The following NRXN3 variants were observed in gnomAD, a reference collection of about 807,000 sequenced individuals.
NRXN3 encodes the protein neurexin III.
A neutral mutation model predicts 137.6 loss-of-function variants in NRXN3; 32 were observed. The observed-to-expected ratio is 0.23, with a 90% CI of 0.18 to 0.31. The LOEUF is 0.31. Ranked by LOEUF, NRXN3 falls within the 10% of genes least tolerant of loss-of-function variation. The pLI, the probability that NRXN3 is intolerant of heterozygous loss-of-function variation, is 1.00. For synonymous variants in NRXN3, 798 were observed against 784.5 expected (o/e 1.02, Z -0.29); for missense variants, 1,574 against 2,062.5 (o/e 0.76, Z 4.59).
chr14:79,685,834 G>T (rs1042597934), intron 17 of NRXN3, among the ~76,000 whole-genome samples: 3 of 152,130 alleles, frequency 2.0e-5, no homozygotes, highest in Non-Finnish European at 4.4e-5. Flanking sequence ...ATTTGTTTAG[G>T]ATATGAAAGA....
At chr14:78,897,369 T>A (rs888039683) in intron 10 of NRXN3, among the ~76,000 whole-genome samples, 5 of 151,904 alleles carry the variant, frequency 3.3e-5, no homozygotes, top group Non-Finnish European at 5.9e-5. Flanking sequence ...TTTCTTTTTT[T>A]TTGACAAGAC....
intron 16 of NRXN3, among the ~76,000 whole-genome samples, chr14:79,564,284 C>T (rs1407694894): frequency 1.3e-5 from 2 of 151,924 alleles, no homozygotes; most frequent in Non-Finnish European, 2.9e-5. Flanking sequence ...TAAAAGAGGG[C>T]ATTGAGAGAA....
At position 79,018,153 on chromosome 14, in the gene NRXN3, G is replaced by A. The variant is rs563344561; in HGVS notation, c.3262+30012G>A. ...TAGGCACCTGAAATCCCAGCTACTC[G>A]GGAGGCTGAGGCAGAACAGTTGCTT... On this transcript the variant is annotated intron_variant, in intron 15 of 20. Coordinates refer to ENST00000335750, the MANE Select transcript of NRXN3 (RefSeq NM_001330195.2). Among the ~76,000 whole-genome samples the A allele has an allele frequency of 6.2e-4, 94 of 150,448 alleles. 1 individual carries two copies. Among genetic ancestry groups the A allele is most frequent in the African/African-American group, 2.2e-3 (90 of 41,024 alleles).
At chr14:78,339,188 T>C (rs896155969) in intron 4 of NRXN3, among the ~76,000 whole-genome samples, 7 of 152,214 alleles carry the variant, frequency 4.6e-5, no homozygotes, top group Non-Finnish European at 8.8e-5. Context: ...TATTATTTGT[T>C]GAATCTTTAC....
intron 6 of NRXN3, chr14:78,703,590 G>A (rs1484102882): frequency 1.3e-5 from 2 of 152,178 alleles, no homozygotes; most frequent in Non-Finnish European, 2.9e-5. Context: ...TGCTTGTTGT[G>A]AGTAAATGAC....
chr14:79,525,989 C>T (rs989379836), intron 16 of NRXN3, among the ~76,000 whole-genome samples: 2 of 152,172 alleles, frequency 1.3e-5, no homozygotes, highest in African/African-American at 4.8e-5. Flanking sequence ...TCAAGGGATC[C>T]TCTCAACTCC....
At chr14:78,835,241 C>T (rs1399883127) in intron 10 of NRXN3, among the ~76,000 whole-genome samples, 1 of 152,186 alleles carries the variant, frequency 6.6e-6, no homozygotes, top group Non-Finnish European at 1.5e-5. Flanking sequence ...TAGCTCAGCT[C>T]TGCTGATGAC....
intron 16 of NRXN3, among the ~76,000 whole-genome samples, chr14:79,506,319 A>G (rs2096878108): frequency 6.6e-6 from 1 of 152,230 alleles, no homozygotes; most frequent in African/African-American, 2.4e-5. Flanking sequence ...TTACCTGAAC[A>G]TAGCTCTTTA....
At chr14:78,565,287 TC>T (rs1566762025) in intron 4 of NRXN3, among the ~76,000 whole-genome samples, 1 of 152,184 alleles carries the variant, frequency 6.6e-6, no homozygotes, top group African/African-American at 2.4e-5. Context: ...ATTTCCTGTT[TC>T]CCCTGTAAAC....
At chr14:79,676,251 T>C (rs2098640151) in intron 17 of NRXN3, among the ~76,000 whole-genome samples, 1 of 152,022 alleles carries the variant, frequency 6.6e-6, no homozygotes, top group Non-Finnish European at 1.5e-5. Flanking sequence ...AGATCCCCTA[T>C]TTATTAAAGC....
chr14:79,426,146 A>C (rs1428856903), intron 15 of NRXN3, among the ~76,000 whole-genome samples: 1 of 152,158 alleles, frequency 6.6e-6, no homozygotes, highest in Non-Finnish European at 1.5e-5. Context: ...CTGTGATATT[A>C]TTTGTCCTTG....
At chr14:78,593,612 AATACTT>A (rs1405754144) in intron 4 of NRXN3, among the ~76,000 whole-genome samples, 2 of 152,122 alleles carry the variant, frequency 1.3e-5, no homozygotes, top group African/African-American at 4.8e-5. Context: ...TGGGTTCCTT[AATACTT>A]GTCTTCACTC....
intron 15 of NRXN3, among the ~76,000 whole-genome samples, chr14:78,994,576 G>T (rs1453497796): frequency 2.0e-5 from 3 of 152,116 alleles, no homozygotes; most frequent in African/African-American, 7.2e-5. Context: ...TATTTATAAA[G>T]AATCCAATTT....
chr14:78,389,840 A>G (rs576124147), intron 4 of NRXN3, among the ~76,000 whole-genome samples: 3 of 152,254 alleles, frequency 2.0e-5, no homozygotes, highest in African/African-American at 7.2e-5. Context: ...GATTAGATAA[A>G]TATTCATTTG....
At position 78,519,167 on chromosome 14, in the gene NRXN3, G is replaced by T. The variant is rs1053983069; in HGVS notation, c.758-125953G>T. On this transcript the variant is annotated intron_variant, in intron 4 of 20. Transcript: ENST00000335750. ...TGTAAAAACCTTACAAGAAAGTTGA[G>T]ACTTATGGTAGCAAAGGATCCAGAA... is the stretch of plus-strand genomic sequence containing the variant. Among the ~76,000 whole-genome samples, 14 of 152,192 alleles carry T rather than the reference G, an allele frequency of 9.2e-5. 1 individual carries two copies. In the South Asian group the frequency reaches 1.7e-3, roughly 18 times the overall value.
chr14:78,891,907 C>A (rs1018061488), intron 10 of NRXN3, among the ~76,000 whole-genome samples: 10 of 151,910 alleles, frequency 6.6e-5, no homozygotes, highest in Admixed American at 3.9e-4. Flanking sequence ...TGTTGAGTAT[C>A]TACTGAATAT....
intron 16 of NRXN3, among the ~76,000 whole-genome samples, chr14:79,642,705 A>G (rs1333715759): frequency 7.4e-6 from 1 of 135,248 alleles, no homozygotes; most frequent in Non-Finnish European, 1.7e-5. Flanking sequence ...CAGAGATATC[A>G]CTGAAGACCT....
chr14:79,259,138 C>T (rs1458973196), intron 15 of NRXN3, among the ~76,000 whole-genome samples: 7 of 152,152 alleles, frequency 4.6e-5, no homozygotes, highest in African/African-American at 1.7e-4. Flanking sequence ...CCTGTGTAGT[C>T]ACCATGTGAC....
At chr14:79,179,369 C>T (rs1568515630) in intron 15 of NRXN3, among the ~76,000 whole-genome samples, 1 of 152,164 alleles carries the variant, frequency 6.6e-6, no homozygotes, top group Non-Finnish European at 1.5e-5. Context: ...TCTTATAAAA[C>T]ACACAGTTTG....
Sources: gnomAD v4.1 joint callset for allele counts (sites outside exome capture counted in the v4.1 genomes callset) on GRCh38, gnomAD v4.1.1 for gene constraint, MANE v1.5 for transcripts, NCBI Gene and HGNC (gene_info 2026-07-23, HGNC 2026-07-21) for gene names.